The following GLRA1 variants were observed in gnomAD, a reference collection of about 807,000 sequenced individuals.
The protein encoded by GLRA1 is glycine receptor subunit alpha-1.
Under a neutral mutation model 48.3 loss-of-function variants are expected in GLRA1, and 37 were observed. The observed-to-expected ratio is 0.77, with a 90% CI of 0.59 to 1.01. GLRA1 has a LOEUF of 1.01. Ranked by LOEUF, GLRA1 falls within the 50% of genes least tolerant of loss-of-function variation. The pLI is 0.00. For missense variants in GLRA1, 427 were observed against 571.0 expected (o/e 0.75, Z 2.57); for synonymous variants, 196 against 210.7 (o/e 0.93, Z 0.60).
chr5:151,924,514 C>T lies in GLRA1; in HGVS notation c.36G>A (p.Trp12Ter), dbSNP rs1064797316. The T allele has an allele frequency of 6.2e-7, 1 of 1,604,474 alleles. No homozygotes were observed. Among genetic ancestry groups the T allele is most frequent in the East Asian group, 2.2e-5 (1 of 44,842 alleles). The change falls in exon 1 of 9, where the codon TGG becomes TGA. Residue 12 changes from tryptophan to a stop codon, truncating the protein, a stop_gained. Transcript: ENST00000274576. LOFTEE classifies it high-confidence loss of function. ...YSFNTLRLYL[W>*]ETIVFFSLAA... ...CATACCTGAAGAATACAATGGTCTC[C>T]CAAAGGTAGAGTCGAAGAGTATTGA...
rs10042023 is a variant in GLRA1, at chr5:151,897,117, T to A, written c.57-4679A>T. 5.4e-3 allele frequency among the ~76,000 whole-genome samples: 816 copies of A among 152,314 alleles called. 6 individuals carry two copies. Among genetic ancestry groups the A allele is most frequent in the African/African-American group, 0.019 (771 of 41,576 alleles). On this transcript the variant is annotated intron_variant, in intron 1 of 8. Transcript: ENST00000274576. ...GTGCTCTAGGCCAAAAGTTCCCAAC[T>A]CTTTTCCAAATACAAAGGCTCCATA...
At chr5:151,891,482 G>C (rs1341490695) in intron 2 of GLRA1, among the ~76,000 whole-genome samples, 1 of 152,082 alleles carries the variant, frequency 6.6e-6, no homozygotes, top group Non-Finnish European at 1.5e-5. Flanking sequence ...TCGGTATCTG[G>C]CTCTTCTTGG....
intron 3 of GLRA1, among the ~76,000 whole-genome samples, chr5:151,875,962 G>A (rs112679146): frequency 2.0e-5 from 3 of 152,254 alleles, no homozygotes; most frequent in African/African-American, 7.2e-5. Context: ...CTATAAAATG[G>A]GATTGTTGTA....
At chr5:151,843,640 A>G (rs35692301) in intron 7 of GLRA1, among the ~76,000 whole-genome samples, 71,514 of 151,962 alleles carry the variant, frequency 0.47, 17,739 homozygotes, top group African/African-American at 0.64. Context: ...GTAGAACAAA[A>G]TTGGAGGACT....
chr5:151,853,597 T>G (rs1310764814), intron 6 of GLRA1, among the ~76,000 whole-genome samples: 2 of 152,058 alleles, frequency 1.3e-5, no homozygotes, highest in Non-Finnish European at 2.9e-5. Flanking sequence ...TTTAAATATA[T>G]TTTGAATATT....
chr5:151,831,846 T>A (rs1763435922), intron 7 of GLRA1, among the ~76,000 whole-genome samples: 1 of 152,216 alleles, frequency 6.6e-6, no homozygotes, highest in South Asian at 2.1e-4. Context: ...CTGTGCCTCC[T>A]GATGGAGAGA....
intron 1 of GLRA1, among the ~76,000 whole-genome samples, chr5:151,918,575 G>A (rs1406305719): frequency 1.3e-5 from 2 of 152,080 alleles, no homozygotes; most frequent in Non-Finnish European, 1.5e-5. Context: ...CCAGTTAGTG[G>A]GTATTCATGT....
intron 3 of GLRA1, among the ~76,000 whole-genome samples, chr5:151,872,843 C>T (rs1753522953): frequency 6.7e-6 from 1 of 149,672 alleles, no homozygotes; most frequent in Admixed American, 6.6e-5. Context: ...TATATGTAGC[C>T]ATGTCGAGAG....
At chr5:151,878,182 A>G (rs1753674070) in intron 3 of GLRA1, among the ~76,000 whole-genome samples, 1 of 152,158 alleles carries the variant, frequency 6.6e-6, no homozygotes, top group Non-Finnish European at 1.5e-5. Context: ...CTTGTTGGGA[A>G]CTGGAGCAAA....
intron 3 of GLRA1, among the ~76,000 whole-genome samples, chr5:151,869,996 T>TTATTTTAAAACATCTATTTAAAA (rs1753437011): frequency 6.7e-6 from 1 of 149,738 alleles, no homozygotes; most frequent in Admixed American, 6.6e-5. Context: ...TCAATTTATT[T>TTATTTTAAAACATCTATTTAAAA]TATTTTAAAA....
chr5:151,851,695 C>T, intron 6 of GLRA1, 91 bp from the exon 7 acceptor site: 1 of 807,598 alleles, frequency 1.2e-6, no homozygotes, highest in South Asian at 1.4e-5. Context: ...AGTCCTGGTT[C>T]AGTCTCACAC....
chr5:151,892,061 G>A (rs1295898064), intron 2 of GLRA1, among the ~76,000 whole-genome samples: 5 of 152,124 alleles, frequency 3.3e-5, no homozygotes, highest in Non-Finnish European at 5.9e-5. Context: ...CATACAAGAA[G>A]TAGCAAATAG....
intron 7 of GLRA1, among the ~76,000 whole-genome samples, chr5:151,849,367 C>CTTCCTTTCGTTTCCT (rs1554083380): frequency 4.8e-4 from 17 of 35,560 alleles, no homozygotes; most frequent in Non-Finnish European, 4.4e-4. Context: ...TCCTTCCTTT[C>CTTCCTTTCGTTTCCT]TTCCTTTCGT....
intron 1 of GLRA1, among the ~76,000 whole-genome samples, chr5:151,920,532 G>A (rs1232622896): frequency 6.6e-6 from 1 of 152,008 alleles, no homozygotes; most frequent in African/African-American, 2.4e-5. Flanking sequence ...CCAGCCTAGG[G>A]TCCCTGTCCA....
chr5:151,905,532 T>C (rs973810792), intron 1 of GLRA1, among the ~76,000 whole-genome samples: 2 of 152,154 alleles, frequency 1.3e-5, no homozygotes, highest in Non-Finnish European at 2.9e-5. Context: ...TTATAAATTA[T>C]GCTGGAAAAA....
At chr5:151,848,875 A>T in intron 7 of GLRA1, 2 of 629,784 alleles carry the variant, frequency 3.2e-6, no homozygotes, top group African/African-American at 1.8e-5. Context: ...CGCCCAGAAC[A>T]CCTTCCACCA....
chr5:151,881,307 T>C (rs985985341), intron 3 of GLRA1, among the ~76,000 whole-genome samples: 1 of 142,548 alleles, frequency 7.0e-6, no homozygotes, highest in African/African-American at 2.6e-5. Flanking sequence ...GTACGTTTCT[T>C]TCTTTTTGTT....
At chr5:151,843,256 A>ATTTTTT (rs34491994) in intron 7 of GLRA1, among the ~76,000 whole-genome samples, 4 of 120,768 alleles carry the variant, frequency 3.3e-5, no homozygotes, top group Non-Finnish European at 6.8e-5. Flanking sequence ...CTGCTTCTAA[A>ATTTTTT]TTTTTTTTTT....
intron 7 of GLRA1, among the ~76,000 whole-genome samples, chr5:151,840,096 ACT>A (rs760887090): frequency 1.4e-3 from 188 of 131,238 alleles, no homozygotes; most frequent in Non-Finnish European, 1.8e-3. Flanking sequence ...GCTAGAAAAT[ACT>A]GTTTTTTTTT....
Sources: allele counts gnomAD v4.1 joint callset (sites outside exome capture counted in the v4.1 genomes callset), GRCh38; gene constraint gnomAD v4.1.1; transcripts MANE v1.5; gene names NCBI Gene and HGNC (gene_info 2026-07-23, HGNC 2026-07-21).